The following GOSR2 variants were observed in gnomAD, a reference collection of about 807,000 sequenced individuals.
GOSR2 encodes 27 kDa Golgi SNARE protein.
A neutral mutation model predicts 27.9 loss-of-function variants in GOSR2; 20 were observed. The ratio of observed to expected loss-of-function variants is 0.72; its 90% confidence interval spans 0.50 to 1.04. GOSR2 has a LOEUF of 1.04. Ranked by LOEUF, GOSR2 falls within the 50% of genes least tolerant of loss-of-function variation. The pLI is 0.00. For synonymous variants in GOSR2, 91 were observed against 98.8 expected, an observed-to-expected ratio of 0.92 and a Z score of 0.47; for missense variants, 261 against 270.5, an observed-to-expected ratio of 0.97 and a Z score of 0.25.
At chr17:46,923,691 TG>T (rs979470493) in intron 1 of GOSR2, 1 of 723,574 alleles carries the variant, frequency 1.4e-6, no homozygotes, top group African/African-American at 1.8e-5. Context: ...CACATTTTTA[TG>T]GTACAAAGAA....
Position 46,934,695 on chromosome 17 carries a change from CAG to C in GOSR2, c.337-330_337-329del, listed in dbSNP as rs548549146. 2.0e-3 allele frequency among the ~76,000 whole-genome samples: 299 copies of C among 152,290 alleles called. 1 individual carries two copies. The highest frequency in any genetic ancestry group is 6.7e-3 in the African/African-American group (278 of 41,546). On this transcript the variant is annotated intron_variant, in intron 4 of 5. Coordinates refer to ENST00000640051, the MANE Select transcript of GOSR2 (RefSeq NM_004287.5). ...GGAACCAGCTAGGTTAGTGAGTAGTCAGAGAAAGCCTTTAGGAGACACCCAAT... is the reference window on the plus strand; with the variant it reads ...GGAACCAGCTAGGTTAGTGAGTAGTCAGAAAGCCTTTAGGAGACACCCAAT...
At chr17:46,931,814 T>C in intron 3 of GOSR2, 1 of 554,636 alleles carries the variant, frequency 1.8e-6, no homozygotes, top group Non-Finnish European at 3.2e-6. Flanking sequence ...CTGTCATGCA[T>C]CCAGAATCAG....
chr17:46,950,700 G>C (rs2090272099), intron 6 of GOSR2, among the ~76,000 whole-genome samples: 1 of 152,190 alleles, frequency 6.6e-6, no homozygotes, highest in Non-Finnish European at 1.5e-5. Flanking sequence ...GCCCTGCTCA[G>C]TGGCTTGAGA....
At chr17:46,936,844 T>A (rs923620992) in intron 5 of GOSR2, 1 of 984,712 alleles carries the variant, frequency 1.0e-6, no homozygotes, top group African/African-American at 1.7e-5. Context: ...TTGTAATTTC[T>A]CTGGCTGAGG....
chr17:46,936,316 TGG>T (rs1272728018), intron 5 of GOSR2: 8 of 985,278 alleles, frequency 8.1e-6, no homozygotes, highest in Middle Eastern at 5.2e-4. Flanking sequence ...GAAGAGCCAG[TGG>T]GGGTTAGAGC....
At chr17:46,927,110 T>C (rs1416995186) in intron 1 of GOSR2, among the ~76,000 whole-genome samples, 4 of 152,240 alleles carry the variant, frequency 2.6e-5, no homozygotes, top group African/African-American at 9.6e-5. Flanking sequence ...GCTGAAGAAA[T>C]GTGATCTCAT....
downstream of GOSR2, among the ~76,000 whole-genome samples, chr17:46,970,990 A>T (rs895624427): frequency 6.6e-6 from 1 of 152,256 alleles, no homozygotes; most frequent in African/African-American, 2.4e-5. Context: ...GGTTGCAGGA[A>T]TGTGGCTACT....
Position 46,940,971 on chromosome 17 carries a change from G to A in GOSR2, c.*2211G>A. ...TGACTCTCTCCACCGCCTCAGTGTA[G>A]GGAAGGGTCCAGGCCAGGGAAGGAG... On this transcript the variant is annotated 3_prime_UTR_variant, in exon 6 of 6. Coordinates refer to ENST00000640051, the MANE Select transcript of GOSR2 (RefSeq NM_004287.5). 1 of 1,221,748 alleles carries A rather than the reference G, an allele frequency of 8.2e-7. No homozygotes were observed. The allele number at this position is 1,221,748 out of a possible 1,614,324, so 75.7% of individuals were successfully genotyped here. A position where few individuals can be genotyped will look rare whatever the true frequency, so the allele number is the denominator to read the frequency against.
At position 46,966,465 on chromosome 17, in the gene GOSR2, A is replaced by G. The variant is rs1041821790; in HGVS notation, c.584-69A>G. On this transcript the variant is annotated intron_variant, in intron 6 of 6. Transcript: ENST00000573224. ...TGGGCTTAAGCAATCCTCCCATCTC[A>G]GCCTCCAGGGTAGTTGGAACTACAG... The G allele has an allele frequency of 5.3e-5, 33 of 628,080 alleles. No homozygotes were observed. The African/African-American group carries it at 5.8e-4, about 11-fold the overall frequency. 38.9% of individuals were successfully genotyped at this position (628,080 alleles called of 1,614,324 possible). A position where few individuals can be genotyped will look rare whatever the true frequency, so the allele number is the denominator to read the frequency against.
intron 6 of GOSR2, among the ~76,000 whole-genome samples, chr17:46,963,374 A>G (rs2147313330): frequency 6.6e-6 from 1 of 152,180 alleles, no homozygotes; most frequent in Non-Finnish European, 1.5e-5. Flanking sequence ...GTAAAATCCC[A>G]TCTCTACTAA....
At chr17:46,926,617 G>A (rs2086538369) in intron 1 of GOSR2, among the ~76,000 whole-genome samples, 1 of 152,166 alleles carries the variant, frequency 6.6e-6, no homozygotes, top group African/African-American at 2.4e-5. Flanking sequence ...GTTTCTTATG[G>A]ACTTCCAGTG....
At chr17:46,926,353 A>G (rs1454093434) in intron 1 of GOSR2, among the ~76,000 whole-genome samples, 1 of 147,486 alleles carries the variant, frequency 6.8e-6, no homozygotes, top group African/African-American at 2.7e-5. Flanking sequence ...GCCTGGATGC[A>G]AAGTGGATGT....
downstream of GOSR2, among the ~76,000 whole-genome samples, chr17:46,945,055 C>T (rs546875725): frequency 6.6e-6 from 1 of 152,112 alleles, no homozygotes; most frequent in Non-Finnish European, 1.5e-5. Context: ...TAGTTTAGTG[C>T]GGCCATTGTG....
intron 6 of GOSR2, among the ~76,000 whole-genome samples, chr17:46,953,119 C>T (rs934572351): frequency 1.3e-5 from 2 of 151,896 alleles, no homozygotes; most frequent in African/African-American, 2.4e-5. Context: ...CATATGTATA[C>T]ATGTGCCATG....
rs985583638 is a variant in GOSR2, at chr17:46,939,071, G to A, written c.*311G>A. On this transcript the variant is annotated 3_prime_UTR_variant, in exon 6 of 6. Coordinates refer to ENST00000640051, the MANE Select transcript of GOSR2 (RefSeq NM_004287.5). ...GTGGCTTTGTTCACATAGCTGATGCGTGCCCTGGGAAGGTGTCCACAGTGA... is the reference window on the plus strand; with the variant it reads ...GTGGCTTTGTTCACATAGCTGATGCATGCCCTGGGAAGGTGTCCACAGTGA... 198 of 1,125,328 alleles carry A rather than the reference G, an allele frequency of 1.8e-4. No homozygotes were observed. Among genetic ancestry groups the A allele is most frequent in the Non-Finnish European group, 2.1e-4 (181 of 877,624 alleles). 69.7% of individuals were successfully genotyped at this position (1,125,328 alleles called of 1,614,324 possible). A position where few individuals can be genotyped will look rare whatever the true frequency, so the allele number is the denominator to read the frequency against.
chr17:46,956,606 C>T (rs1229817501), intron 6 of GOSR2, among the ~76,000 whole-genome samples: 1 of 152,110 alleles, frequency 6.6e-6, no homozygotes, highest in African/African-American at 2.4e-5. Flanking sequence ...CCAGCCCTTG[C>T]CAGTGTTTCT....
chr17:46,970,882 T>G (rs2091385295), downstream of GOSR2, among the ~76,000 whole-genome samples: 1 of 152,226 alleles, frequency 6.6e-6, no homozygotes, highest in Non-Finnish European at 1.5e-5. Context: ...GTGCATATGC[T>G]AGAATAACAT....
chr17:46,959,117 G>T (rs1233777586), intron 6 of GOSR2, among the ~76,000 whole-genome samples: 2 of 152,216 alleles, frequency 1.3e-5, no homozygotes, highest in Non-Finnish European at 2.9e-5. Context: ...TGGGAATCTA[G>T]AATGTGGCTA....
At chr17:46,972,777 A>G (rs1242513496) in intron 6 of GOSR2, among the ~76,000 whole-genome samples, 5 of 151,932 alleles carry the variant, frequency 3.3e-5, no homozygotes, top group African/African-American at 1.2e-4. Flanking sequence ...GCAGCACTCA[A>G]TCTCCCGTGT....
Sources: gnomAD v4.1 joint callset for allele counts (sites outside exome capture counted in the v4.1 genomes callset) on GRCh38, gnomAD v4.1.1 for gene constraint, MANE v1.5 for transcripts, NCBI Gene and HGNC (gene_info 2026-07-23, HGNC 2026-07-21) for gene names.